NNT: variants seen among roughly 807,000 people sequenced by gnomAD.
The protein encoded by NNT is NAD(P) transhydrogenase, mitochondrial.
NNT carries 50 observed loss-of-function variants against 104.8 expected under a neutral mutation model. The observed-to-expected ratio is 0.48, with a 90% CI of 0.38 to 0.60. The LOEUF (loss-of-function observed/expected upper bound fraction) is 0.60, where lower values mean the gene tolerates loss of function less well. NNT is among the 20% of genes least tolerant of loss of function. The pLI is 0.00. For missense variants in NNT, 1,131 were observed against 1,330.7 expected, an observed-to-expected ratio of 0.85 and a Z score of 2.33; for synonymous variants, 461 against 490.4, an observed-to-expected ratio of 0.94 and a Z score of 0.79.
intron 19 of NNT, among the ~76,000 whole-genome samples, chr5:43,699,804 C>T (rs968086953): frequency 1.1e-4 from 17 of 152,138 alleles, no homozygotes; most frequent in African/African-American, 3.1e-4. Context: ...TGAGAGAACA[C>T]AGTGATTTTT....
At chr5:43,607,021 T>G (rs569828786) in intron 1 of NNT, among the ~76,000 whole-genome samples, 107 of 151,824 alleles carry the variant, frequency 7.0e-4, no homozygotes, top group Admixed American at 1.0e-3. Context: ...AGAGTCTTGC[T>G]CTCTCGCCCA....
intron 9 of NNT, 39 bp from the exon 10 acceptor site, chr5:43,645,318 T>C (rs747765200): frequency 3.7e-6 from 5 of 1,349,482 alleles, no homozygotes; most frequent in Admixed American, 5.5e-5. Context: ...AAATGCTGGA[T>C]TGACTTTTTA....
chr5:43,652,916 T>A, intron 13 of NNT, 102 bp from the exon 14 acceptor site: 1 of 811,946 alleles, frequency 1.2e-6, no homozygotes. Flanking sequence ...ATATAAGTAT[T>A]TAATATGTTA....
At chr5:43,616,703 A>G (rs1213104282) in intron 4 of NNT, among the ~76,000 whole-genome samples, 2 of 152,114 alleles carry the variant, frequency 1.3e-5, no homozygotes, top group Non-Finnish European at 2.9e-5. Flanking sequence ...TCTAAGGCCC[A>G]TTCTGCTTGG....
At chr5:43,639,848 CAGTTGGTATTGTGTCAGAAA>C (rs1751128562) in intron 7 of NNT, among the ~76,000 whole-genome samples, 1 of 152,032 alleles carries the variant, frequency 6.6e-6, no homozygotes, top group African/African-American at 2.4e-5. Context: ...CCTTCACCCA[CAGTTGGTATTGTGTCAGAAA>C]ATATTTCTTA....
intron 6 of NNT, among the ~76,000 whole-genome samples, chr5:43,625,924 A>G (rs1229429071): frequency 2.6e-5 from 4 of 152,028 alleles, no homozygotes; most frequent in Non-Finnish European, 1.5e-5. Context: ...TTACTGTTCC[A>G]TTTATCTTTT....
chr5:43,699,061 A>G (rs936508772), intron 19 of NNT, among the ~76,000 whole-genome samples: 11 of 152,074 alleles, frequency 7.2e-5, no homozygotes, highest in African/African-American at 2.2e-4. Flanking sequence ...AGCCCTTTCT[A>G]TGTGCCACAC....
At chr5:43,665,008 C>T (rs986335576) in intron 17 of NNT, among the ~76,000 whole-genome samples, 6 of 151,908 alleles carry the variant, frequency 3.9e-5, no homozygotes, top group African/African-American at 1.5e-4. Flanking sequence ...CTCAGAGATT[C>T]TTTCCTTCTT....
intron 12 of NNT, among the ~76,000 whole-genome samples, chr5:43,651,359 CT>C (rs1739748849): frequency 6.6e-6 from 1 of 151,992 alleles, no homozygotes; most frequent in African/African-American, 2.4e-5. Context: ...GGTAGATCAC[CT>C]GAGGTCAGGA....
rs767176955 is a variant in NNT at position 43,651,796 on chromosome 5, C to G, written c.1775C>G (p.Pro592Arg). ...LDMFKRPTDP[P>R]EYNYLYLLPA... is the part of the protein sequence containing the mutation. Reference sequence around the variant, plus strand: ...ATGTTCAAGCGTCCCACTGACCCCCCAGAATACAACTACCTGTACCTGCTC... The same window carrying G: ...ATGTTCAAGCGTCCCACTGACCCCCGAGAATACAACTACCTGTACCTGCTC... Residue 592 changes from proline to arginine, a missense_variant, in exon 13 of 22, where the codon CCA becomes CGA. By Grantham distance (103) the Pro-to-Arg change is moderately radical. Coordinates refer to ENST00000344920, the MANE Select transcript of NNT (RefSeq NM_182977.3). 6.2e-7 allele frequency: 1 copy of G among 1,614,092 alleles called. No homozygotes were observed. The highest frequency in any genetic ancestry group is 1.1e-5 in the South Asian group (1 of 91,076).
intron 10 of NNT, among the ~76,000 whole-genome samples, chr5:43,646,581 C>G (rs1265931591): frequency 6.6e-6 from 1 of 151,332 alleles, no homozygotes. Flanking sequence ...TTACTTTTAT[C>G]TACATCAAAT....
chr5:43,700,337 T>C, intron 20 of NNT, 100 bp downstream of exon 20: 1 of 761,100 alleles, frequency 1.3e-6, no homozygotes, highest in East Asian at 2.7e-5. Flanking sequence ...GACTGACTAG[T>C]CAGATGAAAA....
intron 2 of NNT, among the ~76,000 whole-genome samples, chr5:43,611,191 C>T (rs1270674881): frequency 1.4e-5 from 2 of 145,920 alleles, no homozygotes; most frequent in African/African-American, 5.0e-5. Flanking sequence ...TCTCTTTTGT[C>T]TCTTTTTATC....
chr5:43,639,921 A>ATT (rs140770031), intron 7 of NNT, among the ~76,000 whole-genome samples: 7 of 149,826 alleles, frequency 4.7e-5, no homozygotes, highest in African/African-American at 1.2e-4. Context: ...ACAGTGACTG[A>ATT]TTTTTTTTTT....
intron 5 of NNT, among the ~76,000 whole-genome samples, chr5:43,623,022 G>A (rs1030237469): frequency 2.6e-5 from 4 of 151,876 alleles, no homozygotes; most frequent in East Asian, 1.9e-4. Context: ...GAAGCCTAGA[G>A]CCTGCTTATT....
chr5:43,622,710 C>T (rs939740317), intron 5 of NNT, among the ~76,000 whole-genome samples: 1 of 152,226 alleles, frequency 6.6e-6, no homozygotes, highest in Non-Finnish European at 1.5e-5. Context: ...CCGAAGATCA[C>T]CCAGAACTAG....
chr5:43,642,025 G>T (rs1421813650), intron 7 of NNT, among the ~76,000 whole-genome samples: 1 of 152,190 alleles, frequency 6.6e-6, no homozygotes, highest in African/African-American at 2.4e-5. Context: ...ACAGTCCAGG[G>T]ACTGATCCTT....
intron 16 of NNT, among the ~76,000 whole-genome samples, chr5:43,658,771 T>C (rs1469258405): frequency 1.3e-5 from 2 of 152,184 alleles, no homozygotes; most frequent in Non-Finnish European, 2.9e-5. Context: ...TTCAGGATCT[T>C]CAAGTCAGTA....
intron 17 of NNT, among the ~76,000 whole-genome samples, chr5:43,663,180 T>C (rs891512469): frequency 2.6e-5 from 4 of 152,174 alleles, no homozygotes; most frequent in Non-Finnish European, 5.9e-5. Flanking sequence ...TTTATTCAAA[T>C]TCATATTAGT....
Sources: gnomAD v4.1 joint callset for allele counts (sites outside exome capture counted in the v4.1 genomes callset) on GRCh38, gnomAD v4.1.1 for gene constraint, MANE v1.5 for transcripts, NCBI Gene and HGNC (gene_info 2026-07-23, HGNC 2026-07-21) for gene names.